The following PRORP variants were observed in gnomAD, a reference collection of about 807,000 sequenced individuals.
The protein encoded by PRORP is mitochondrial ribonuclease P catalytic subunit.
In PRORP, 51 loss-of-function variants were observed where a neutral mutation model predicts 59.4. That is an observed-to-expected ratio of 0.86 (90% CI 0.69 to 1.08). The LOEUF (loss-of-function observed/expected upper bound fraction) is 1.08. Among genes scored for constraint, PRORP ranks in the 50% least tolerant of loss-of-function variants. PRORP has a pLI of 0.00. For missense variants in PRORP, 646 were observed against 690.3 expected, an observed-to-expected ratio of 0.94 and a Z score of 0.72; for synonymous variants, 231 against 245.6, an observed-to-expected ratio of 0.94 and a Z score of 0.55.
intron 5 of PRORP, among the ~76,000 whole-genome samples, chr14:35,234,249 A>G (rs2050150300): frequency 1.3e-5 from 2 of 152,192 alleles, no homozygotes; most frequent in Admixed American, 6.5e-5. Flanking sequence ...AATGTTTTCT[A>G]CCCACAGATT....
At chr14:35,186,201 G>A (rs1310927060) in intron 5 of PRORP, among the ~76,000 whole-genome samples, 1 of 144,046 alleles carries the variant, frequency 6.9e-6, no homozygotes, top group Non-Finnish European at 1.5e-5. Context: ...TGCCCGGGCT[G>A]GTCTTGAACT....
At chr14:35,260,887 A>G (rs1272089106) in intron 5 of PRORP, among the ~76,000 whole-genome samples, 5 of 152,170 alleles carry the variant, frequency 3.3e-5, no homozygotes, top group Non-Finnish European at 7.3e-5. Flanking sequence ...TTTACCCCGA[A>G]GTCTGTCTAG....
chr14:35,207,685 T>C (rs1297324149), intron 5 of PRORP, among the ~76,000 whole-genome samples: 1 of 152,256 alleles, frequency 6.6e-6, no homozygotes, highest in African/African-American at 2.4e-5. Flanking sequence ...TTCTTGGGTA[T>C]CTGTCTATCC....
intron 4 of PRORP, among the ~76,000 whole-genome samples, chr14:35,148,820 G>C (rs2047671192): frequency 6.6e-6 from 1 of 151,808 alleles, no homozygotes; most frequent in South Asian, 2.1e-4. Flanking sequence ...ATGAGTACTT[G>C]CTGCTTCACC....
At chr14:35,158,153 C>G (rs544487707) in intron 4 of PRORP, 1 of 276,150 alleles carries the variant, frequency 3.6e-6, no homozygotes, top group South Asian at 1.4e-4. Context: ...GCTCCGTCTT[C>G]TTCATTTTAG....
chr14:35,270,258 G>A lies in PRORP; in HGVS notation c.1425-143G>A, dbSNP rs990577684. ...TTGCTTACCAGCTAAGGACTTTGAGGTGGTTCTTAAGTATTACTAGCATCA... is the reference window on the plus strand; with the variant it reads ...TTGCTTACCAGCTAAGGACTTTGAGATGGTTCTTAAGTATTACTAGCATCA... On this transcript the variant is annotated intron_variant, in intron 6 of 7. Transcript: ENST00000534898. 3.5e-5 allele frequency: 24 copies of A among 689,858 alleles called. No homozygotes were observed. In the African/African-American group the frequency reaches 4.1e-4, roughly 12 times the overall value. 42.7% of individuals were successfully genotyped at this position (689,858 alleles called of 1,614,324 possible).
intron 5 of PRORP, among the ~76,000 whole-genome samples, chr14:35,209,678 A>G (rs2049387880): frequency 6.6e-6 from 1 of 152,118 alleles, no homozygotes; most frequent in Admixed American, 6.5e-5. Context: ...CTGGGATTAC[A>G]GGCCATGCCA....
rs191542141 is a variant in PRORP, at chr14:35,183,562, A to G, written c.1275+2785A>G. ...AATACTTGGAAGACAGCCTCTGTGC[A>G]TGTTTCATAGGATGTCTTTGGAATA... On this transcript the variant is annotated intron_variant, in intron 5 of 7. Coordinates refer to ENST00000534898, the MANE Select transcript of PRORP (RefSeq NM_014672.4). 2.2e-3 allele frequency among the ~76,000 whole-genome samples: 342 copies of G among 152,248 alleles called. 3 individuals carry two copies. The highest frequency in any genetic ancestry group is 3.1e-3 in the East Asian group (16 of 5,190).
chr14:35,162,696 GA>G (rs1227968388), intron 4 of PRORP, among the ~76,000 whole-genome samples: 4 of 151,794 alleles, frequency 2.6e-5, no homozygotes, highest in Admixed American at 6.6e-5. Context: ...TATTTAGAAA[GA>G]TTTTTTCTGT....
intron 4 of PRORP, among the ~76,000 whole-genome samples, chr14:35,167,133 A>G (rs1309231584): frequency 6.6e-6 from 1 of 152,152 alleles, no homozygotes; most frequent in Non-Finnish European, 1.5e-5. Context: ...ACTTCTCTTT[A>G]GATGATAAAG....
At chr14:35,191,292 G>A (rs749995273) in intron 5 of PRORP, among the ~76,000 whole-genome samples, 7 of 152,234 alleles carry the variant, frequency 4.6e-5, no homozygotes, top group Middle Eastern at 3.4e-3. Flanking sequence ...CTTGCCCACC[G>A]CCATGTAAGA....
intron 5 of PRORP, chr14:35,222,583 C>T (rs1338291710): frequency 1.3e-5 from 2 of 152,204 alleles, no homozygotes. Context: ...ACACAGATAA[C>T]TCTGTTAGTC....
At chr14:35,151,544 C>G (rs1389267370) in intron 4 of PRORP, among the ~76,000 whole-genome samples, 2 of 151,566 alleles carry the variant, frequency 1.3e-5, no homozygotes, top group Admixed American at 6.6e-5. Context: ...CCCCTCTTTC[C>G]TTCATATCCC....
At chr14:35,180,567 A>G in intron 4 of PRORP, 103 bp from the exon 5 acceptor site, 1 of 567,820 alleles carries the variant, frequency 1.8e-6, no homozygotes, top group South Asian at 2.2e-5. Flanking sequence ...TAAGGGATGA[A>G]TATTTTGAAT....
chr14:35,160,681 T>C (rs1485307272), intron 4 of PRORP, among the ~76,000 whole-genome samples: 1 of 151,362 alleles, frequency 6.6e-6, no homozygotes, highest in Non-Finnish European at 1.5e-5. Context: ...AATGAAGTCA[T>C]TAGTAAACTG....
intron 4 of PRORP, among the ~76,000 whole-genome samples, chr14:35,132,194 A>G (rs2047259194): frequency 6.6e-6 from 1 of 150,690 alleles, no homozygotes; most frequent in African/African-American, 2.4e-5. Context: ...GTGGTGGCTC[A>G]CACTTGTAAT....
chr14:35,269,419 G>T (rs1214985103), intron 6 of PRORP, among the ~76,000 whole-genome samples: 1 of 152,220 alleles, frequency 6.6e-6, no homozygotes, highest in South Asian at 2.1e-4. Context: ...AAACTCAGTT[G>T]TAACGATCAA....
chr14:35,217,462 C>T (rs1437065422), intron 5 of PRORP, among the ~76,000 whole-genome samples: 1 of 147,826 alleles, frequency 6.8e-6, no homozygotes, highest in Non-Finnish European at 1.5e-5. Flanking sequence ...GATTGTGTCA[C>T]TGCACTCCGG....
rs779929589 is a variant in PRORP, at chr14:35,233,171, C to T, written c.1276-33556C>T. 8.0e-5 allele frequency among the ~76,000 whole-genome samples: 11 copies of T among 137,806 alleles called. 2 individuals carry two copies. The highest frequency in any genetic ancestry group is 1.1e-4 in the Non-Finnish European group (7 of 64,032). The allele number at this position is 137,806 out of a possible 152,430, so 90.4% of individuals were successfully genotyped here. The stretch of plus-strand genomic sequence containing the variant: ...CATAAGCATCAGGCCCTGTTTTTTG[C>T]GCCAGGGATACACCAATGAATTAAG... On this transcript the variant is annotated intron_variant, in intron 5 of 7. Transcript: ENST00000534898.
Sources: allele counts gnomAD v4.1 joint callset (sites outside exome capture counted in the v4.1 genomes callset), GRCh38; gene constraint gnomAD v4.1.1; transcripts MANE v1.5; gene names NCBI Gene and HGNC (gene_info 2026-07-23, HGNC 2026-07-21).